The following TRDN variants were observed in gnomAD, a reference collection of about 807,000 sequenced individuals.
TRDN encodes triadin, also known as triadin in skeletal muscle.
Under a neutral mutation model 149.7 loss-of-function variants are expected in TRDN, and 161 were observed. The ratio of observed to expected loss-of-function variants is 1.08; its 90% CI spans 0.95 to 1.23. The LOEUF (loss-of-function observed/expected upper bound fraction) is 1.23, where lower values mean the gene tolerates loss of function less well. TRDN is among the 50% of genes most tolerant of loss of function. The pLI is 0.00. For missense variants in TRDN, 896 were observed against 823.5 expected (o/e 1.09, Z -1.08); for synonymous variants, 294 against 250.5 (o/e 1.17, Z -1.64).
chr6:123,511,923 C>T (rs573063931), intron 7 of TRDN, among the ~76,000 whole-genome samples: 3 of 152,140 alleles, frequency 2.0e-5, no homozygotes, highest in Admixed American at 2.0e-4. Context: ...CATGATATTA[C>T]ATTGAGCCCA....
intron 9 of TRDN, among the ~76,000 whole-genome samples, chr6:123,472,943 T>C (rs1777262515): frequency 6.6e-6 from 1 of 152,152 alleles, no homozygotes; most frequent in Non-Finnish European, 1.5e-5. Context: ...AACCCATCTG[T>C]ACATCACCAT....
intron 4 of TRDN, among the ~76,000 whole-genome samples, chr6:123,534,497 A>G (rs936964282): frequency 2.0e-5 from 3 of 152,146 alleles, no homozygotes; most frequent in Non-Finnish European, 4.4e-5. Context: ...CACTTTAGCC[A>G]GGAAATGATG....
intron 23 of TRDN, among the ~76,000 whole-genome samples, chr6:123,329,019 T>C (rs1232616091): frequency 6.6e-6 from 1 of 152,170 alleles, no homozygotes; most frequent in East Asian, 1.9e-4. Flanking sequence ...AATTTATCTT[T>C]CATTTTAAGG....
At chr6:123,453,600 A>T (rs1055271826) in intron 10 of TRDN, among the ~76,000 whole-genome samples, 4 of 151,610 alleles carry the variant, frequency 2.6e-5, no homozygotes, top group Admixed American at 6.6e-5. Flanking sequence ...TAAAAAAAAT[A>T]AAAAAACAGT....
intron 1 of TRDN, among the ~76,000 whole-genome samples, chr6:123,621,532 C>A (rs939608700): frequency 6.6e-6 from 1 of 151,888 alleles, no homozygotes; most frequent in Non-Finnish European, 1.5e-5. Flanking sequence ...CCAATTGAAA[C>A]AAAAATCTAT....
Position 123,636,768 on chromosome 6 carries a change from T to A in TRDN, c.8A>T (p.Glu3Val), listed in dbSNP as rs757975935. The A allele has an allele frequency of 3.1e-6, 5 of 1,611,608 alleles. No homozygotes were observed. Among genetic ancestry groups the A allele is most frequent in the Non-Finnish European group, 4.2e-6 (5 of 1,178,454 alleles). Residue 3 changes from glutamate (E) to valine (V), a missense_variant, in exon 1 of 41, where the codon GAG (glutamate) becomes GTG (valine). Coordinates refer to ENST00000334268, the MANE Select transcript of TRDN (RefSeq NM_006073.4). ...GGTAGCAATACCTTCAGCAGTGATCTCAGTCATGGTGGTCGTCAAAAGTAA... is the reference window on the plus strand; with the variant it reads ...GGTAGCAATACCTTCAGCAGTGATCACAGTCATGGTGGTCGTCAAAAGTAA... Reference protein sequence around the residue: MTEITAEGNASTT... With the variant: MTVITAEGNASTT...
At chr6:123,218,828 C>T in intron 40 of TRDN, 88 bp from the exon 41 acceptor site, 1 of 1,387,274 alleles carries the variant, frequency 7.2e-7, no homozygotes, top group African/African-American at 1.5e-5. Flanking sequence ...CAGATAAGGT[C>T]ACAGATTCTG....
chr6:123,327,715 C>T (rs1476959396), intron 23 of TRDN, among the ~76,000 whole-genome samples: 6 of 151,954 alleles, frequency 3.9e-5, no homozygotes, highest in Non-Finnish European at 8.8e-5. Context: ...TTCTCTTATT[C>T]ATACTAATAT....
At chr6:123,560,926 C>T (rs904460463) in intron 2 of TRDN, among the ~76,000 whole-genome samples, 3 of 152,200 alleles carry the variant, frequency 2.0e-5, no homozygotes, top group African/African-American at 4.8e-5. Flanking sequence ...AGTGTTCCAT[C>T]TGCTATTCTA....
chr6:123,573,412 C>A (rs1222887549), intron 1 of TRDN, among the ~76,000 whole-genome samples: 1 of 152,018 alleles, frequency 6.6e-6, no homozygotes, highest in Non-Finnish European at 1.5e-5. Context: ...TATTACATCA[C>A]CTTCATTGCT....
chr6:123,229,156 T>G (rs1038253589), intron 38 of TRDN, among the ~76,000 whole-genome samples: 3 of 151,872 alleles, frequency 2.0e-5, no homozygotes, highest in African/African-American at 7.3e-5. Flanking sequence ...CATCCTCCTA[T>G]CCAAGCAGTT....
Position 123,617,164 on chromosome 6 carries a change from C to CAT in TRDN, c.22+19588_22+19589dup, listed in dbSNP as rs574189975. On this transcript the variant is annotated intron_variant, in intron 1 of 40. Coordinates refer to ENST00000334268, the MANE Select transcript of TRDN (RefSeq NM_006073.4). ...AGGCTCTTATCCAGCTGAAAATGTA[C>CAT]ATAGCTTCCTGATGTGTGCCAGCCC... Among the ~76,000 whole-genome samples, 14 of 152,158 alleles carry CAT rather than the reference C, an allele frequency of 9.2e-5. No homozygotes were observed. The South Asian group carries it at 2.9e-3, about 32-fold the overall frequency.
intron 1 of TRDN, among the ~76,000 whole-genome samples, chr6:123,602,658 T>G (rs923200169): frequency 1.3e-5 from 2 of 152,078 alleles, no homozygotes; most frequent in Non-Finnish European, 2.9e-5. Context: ...TATCTCAATG[T>G]ATTTCCTTCC....
chr6:123,426,442 T>C (rs1443547840), intron 12 of TRDN, among the ~76,000 whole-genome samples: 1 of 152,126 alleles, frequency 6.6e-6, no homozygotes, highest in African/African-American at 2.4e-5. Context: ...CCCTGCTGCA[T>C]GTGTGGAATA....
rs1430487135 is a variant in TRDN, at chr6:123,218,552, A to G, written c.*49T>C. ...TTGCCTGAACTACTGTGGACAAAAC[A>G]TCACATTTTTAAAATCTTAAAGCAC... On this transcript the variant is annotated 3_prime_UTR_variant, in exon 41 of 41. Transcript: ENST00000334268. 6.4e-7 allele frequency: 1 copy of G among 1,568,984 alleles called. No homozygotes were observed. Among genetic ancestry groups the G allele is most frequent in the East Asian group, 2.3e-5 (1 of 44,276 alleles).
At chr6:123,267,281 T>G (rs972589457) in intron 32 of TRDN, among the ~76,000 whole-genome samples, 2 of 151,946 alleles carry the variant, frequency 1.3e-5, no homozygotes, top group African/African-American at 2.4e-5. Flanking sequence ...TTAAAAGAAT[T>G]AAGCTAACTT....
intron 10 of TRDN, among the ~76,000 whole-genome samples, chr6:123,450,287 A>G (rs1241617258): frequency 2.0e-5 from 3 of 152,170 alleles, no homozygotes; most frequent in Non-Finnish European, 2.9e-5. Flanking sequence ...AAAGATACAG[A>G]ACCACAGAAT....
At chr6:123,232,767 G>T (rs1775653187) in intron 38 of TRDN, among the ~76,000 whole-genome samples, 1 of 152,020 alleles carries the variant, frequency 6.6e-6, no homozygotes, top group Non-Finnish European at 1.5e-5. Context: ...AAACTTTGAA[G>T]AACCCACATT....
intron 26 of TRDN, 114 bp downstream of exon 26, chr6:123,278,204 C>G: frequency 1.4e-6 from 1 of 729,470 alleles, no homozygotes; most frequent in Non-Finnish European, 2.0e-6. Flanking sequence ...TTAAGTTGGT[C>G]AAGGATAAAA....
Sources: gnomAD v4.1 joint callset for allele counts (sites outside exome capture counted in the v4.1 genomes callset) on GRCh38, gnomAD v4.1.1 for gene constraint, MANE v1.5 for transcripts, NCBI Gene and HGNC (gene_info 2026-07-23, HGNC 2026-07-21) for gene names.